The following SEZ6L variants were observed in gnomAD, a reference collection of about 807,000 sequenced individuals.
SEZ6L encodes the protein seizure 6-like protein.
In SEZ6L, 37 loss-of-function variants were observed where a neutral mutation model predicts 106.2. That is an observed-to-expected ratio of 0.35 (90% CI 0.27 to 0.46). The LOEUF is 0.46. Among genes scored for constraint, SEZ6L ranks in the 20% least tolerant of loss-of-function variants. The probability of loss-of-function intolerance (pLI) is 1.00; values close to 1 mark genes in which losing one functional copy is unlikely to be tolerated. For missense variants in SEZ6L, 1,172 were observed against 1,332.8 expected, an observed-to-expected ratio of 0.88 and a Z score of 1.88; for synonymous variants, 541 against 570.4, an observed-to-expected ratio of 0.95 and a Z score of 0.73.
chr22:26,284,130 C>G lies in SEZ6L; in HGVS notation c.95-8276C>G, dbSNP rs896383804. ...ACAAGGCTGATGAAACCCCACCATA[C>G]AGATGAGAACAGTGAGCCCCAGAGG... is the stretch of plus-strand genomic sequence containing the variant. On this transcript the variant is annotated intron_variant, in intron 1 of 16. Coordinates refer to ENST00000248933, the MANE Select transcript of SEZ6L (RefSeq NM_021115.5). Among the ~76,000 whole-genome samples, 8 of 152,308 alleles carry G rather than the reference C, an allele frequency of 5.3e-5. No individual in the cohort carries two copies. In the East Asian group the frequency reaches 1.3e-3, roughly 26 times the overall value.
chr22:26,341,542 A>G (rs2082836624), intron 10 of SEZ6L, among the ~76,000 whole-genome samples: 1 of 152,186 alleles, frequency 6.6e-6, no homozygotes, highest in African/African-American at 2.4e-5. Flanking sequence ...ATATCCGTTG[A>G]CCGGTTCATA....
chr22:26,210,068 C>T (rs1042202023), intron 1 of SEZ6L, among the ~76,000 whole-genome samples: 2 of 151,362 alleles, frequency 1.3e-5, no homozygotes, highest in Non-Finnish European at 2.9e-5. Flanking sequence ...ACTATGTTAG[C>T]AAAAAATATC....
intron 1 of SEZ6L, among the ~76,000 whole-genome samples, chr22:26,224,441 T>G (rs1165591307): frequency 6.6e-6 from 1 of 152,170 alleles, no homozygotes; most frequent in African/African-American, 2.4e-5. Context: ...ACAGATCATC[T>G]AGTGCCCTTA....
chr22:26,367,478 G>C (rs998783848), intron 13 of SEZ6L, among the ~76,000 whole-genome samples: 2 of 151,952 alleles, frequency 1.3e-5, no homozygotes, highest in Admixed American at 1.3e-4. Context: ...CGAGTGGCTG[G>C]GACCACAAGT....
intron 16 of SEZ6L, 80 bp from the exon 17 acceptor site, chr22:26,380,186 G>C: frequency 7.4e-7 from 1 of 1,350,736 alleles, no homozygotes; most frequent in Non-Finnish European, 1.1e-6. Flanking sequence ...GACATACAGA[G>C]GTGCAAAGAA....
chr22:26,343,224 G>A (rs370440114), intron 10 of SEZ6L, among the ~76,000 whole-genome samples: 7 of 150,956 alleles, frequency 4.6e-5, no homozygotes, highest in East Asian at 3.9e-4. Context: ...CTCCTTAGAC[G>A]TCCTCTCCCT....
In SEZ6L at chr22:26,299,050, A is replaced by G; in HGVS notation, c.1229A>G (p.His410Arg). 2 of 1,607,312 alleles carry G rather than the reference A, an allele frequency of 1.2e-6. No homozygotes were observed. The highest frequency in any genetic ancestry group is 1.7e-6 in the Non-Finnish European group (2 of 1,177,068). ...DSGDVTVMDL[H>R]SGGVAHFHCH... is the part of the protein sequence containing the mutation. ...GGGGATGTCACGGTGATGGACCTGC[A>G]CTCAGGTGGGGTGGCCCACTTTCAC... Residue 410 changes from histidine to arginine, a missense_variant, in exon 5 of 17, where the codon CAC becomes CGC. Physicochemically the swap from His to Arg is conservative, Grantham distance 29. Transcript: ENST00000248933.
intron 1 of SEZ6L, among the ~76,000 whole-genome samples, chr22:26,203,946 T>A (rs1941142463): frequency 1.3e-5 from 2 of 152,184 alleles, no homozygotes; most frequent in Admixed American, 1.3e-4. Flanking sequence ...CTACATTTGA[T>A]GAGGCAAGAG....
intron 15 of SEZ6L, 129 bp from the exon 16 acceptor site, chr22:26,377,544 T>C: frequency 1.4e-6 from 1 of 739,230 alleles, no homozygotes; most frequent in South Asian, 1.6e-5. Context: ...AAAGGCTGTT[T>C]GCACACATCC....
At chr22:26,170,852 C>A (rs931260870) in intron 1 of SEZ6L, among the ~76,000 whole-genome samples, 1 of 152,242 alleles carries the variant, frequency 6.6e-6, no homozygotes, top group African/African-American at 2.4e-5. Context: ...ACAGAGGGAG[C>A]GCAGGCACTA....
intron 9 of SEZ6L, among the ~76,000 whole-genome samples, chr22:26,323,816 A>G (rs1469949482): frequency 6.6e-6 from 1 of 152,058 alleles, no homozygotes; most frequent in East Asian, 1.9e-4. Flanking sequence ...CCAACAGCTG[A>G]CATTCATTGA....
intron 1 of SEZ6L, among the ~76,000 whole-genome samples, chr22:26,243,975 C>A (rs1243052387): frequency 1.3e-5 from 2 of 152,002 alleles, no homozygotes; most frequent in African/African-American, 4.8e-5. Context: ...CCAGCCTGGG[C>A]AACATTGTGA....
At chr22:26,196,693 AC>A (rs1940603913) in intron 1 of SEZ6L, among the ~76,000 whole-genome samples, 1 of 152,138 alleles carries the variant, frequency 6.6e-6, no homozygotes, top group South Asian at 2.1e-4. Flanking sequence ...AGAAAGCTGG[AC>A]TCATCTCAGT....
chr22:26,348,555 AAGGAAGGGAG>A (rs1569473270), intron 11 of SEZ6L, among the ~76,000 whole-genome samples: 12 of 66,984 alleles, frequency 1.8e-4, no homozygotes, highest in Admixed American at 5.7e-4. Context: ...GGAAGGAAGG[AAGGAAGGGAG>A]GAAAGAAAGA....
At chr22:26,337,245 T>C (rs889374821) in intron 9 of SEZ6L, among the ~76,000 whole-genome samples, 1 of 152,246 alleles carries the variant, frequency 6.6e-6, no homozygotes, top group African/African-American at 2.4e-5. Flanking sequence ...TCCCTGCACA[T>C]TGCTCCATCC....
In SEZ6L at chr22:26,381,954, G is replaced by A. The variant is rs2084421795; in HGVS notation, c.*1659G>A. Reference sequence around the variant, plus strand: ...GAGAATAGCAGGGAGTCTATGTTTTGGTGGTTACATTGGAAACATCTTAAG... The same window carrying A: ...GAGAATAGCAGGGAGTCTATGTTTTAGTGGTTACATTGGAAACATCTTAAG... On this transcript the variant is annotated 3_prime_UTR_variant, in exon 17 of 17. Transcript: ENST00000248933. The A allele has an allele frequency of 2.0e-6, 1 of 509,172 alleles. No individual in the cohort carries two copies. Among genetic ancestry groups the A allele is most frequent in the African/African-American group, 1.9e-5 (1 of 51,434 alleles). The allele number at this position is 509,172 out of a possible 1,614,324, so 31.5% of individuals were successfully genotyped here.
chr22:26,313,767 T>G lies in SEZ6L; in HGVS notation c.1880T>G (p.Met627Arg). The change falls in exon 9 of 17, where the codon ATG (methionine) becomes AGG (arginine). Residue 627 changes from methionine to arginine, a missense_variant. Coordinates refer to ENST00000248933, the MANE Select transcript of SEZ6L (RefSeq NM_021115.5). ...CTTGCCTGTCTGTCTTTTACAGCCA[T>G]GTGTGGTGGGGAGCTCTCTGCTGTG... is the stretch of plus-strand genomic sequence containing the variant. ...WNDTEPLCRA[M>R]CGGELSAVAG... 6.2e-7 allele frequency: 1 copy of G among 1,606,842 alleles called. No homozygotes were observed. Among genetic ancestry groups the G allele is most frequent in the South Asian group, 1.1e-5 (1 of 90,886 alleles).
In SEZ6L at chr22:26,292,793, C is replaced by A; in HGVS notation, c.482C>A (p.Thr161Lys). 1 of 1,614,092 alleles carries A rather than the reference C, an allele frequency of 6.2e-7. No individual in the cohort carries two copies. The highest frequency in any genetic ancestry group is 2.2e-5 in the East Asian group (1 of 44,888). The part of the protein sequence containing the change: ...SQGLDLLSSS[T>K]EKPGPPGDPD... ...GGCCTAGATCTCCTCTCCTCCTCCA[C>A]GGAGAAGCCTGGCCCACCGGGGGAC... Residue 161 changes from threonine to lysine, a missense_variant, in exon 2 of 17, where the codon ACG becomes AAG. Thr to Lys is a moderately conservative substitution (Grantham distance 78). This residue lies in a region of SEZ6L where 494 missense variants were observed against 445.8 expected (regional missense o/e 1.11). Coordinates refer to ENST00000248933, the MANE Select transcript of SEZ6L (RefSeq NM_021115.5).
chr22:26,245,114 C>G (rs950897910), intron 1 of SEZ6L, among the ~76,000 whole-genome samples: 7 of 152,096 alleles, frequency 4.6e-5, no homozygotes, highest in South Asian at 4.1e-4. Context: ...TCTGGTTTCC[C>G]GTGCCCCTTT....
Sources: allele counts gnomAD v4.1 joint callset (sites outside exome capture counted in the v4.1 genomes callset), GRCh38; gene constraint gnomAD v4.1.1; regional missense constraint gnomAD v4.1.1; transcripts MANE v1.5; gene names NCBI Gene and HGNC (gene_info 2026-07-23, HGNC 2026-07-21).